MAGI1: variants seen among roughly 807,000 people sequenced by gnomAD.
MAGI1 encodes the protein membrane-associated guanylate kinase, WW and PDZ domain-containing protein 1.
A neutral mutation model predicts 139.9 loss-of-function variants in MAGI1; 58 were observed. That is an observed-to-expected ratio of 0.41 (90% CI 0.34 to 0.52). The LOEUF (loss-of-function observed/expected upper bound fraction) is 0.52, where lower values mean the gene tolerates loss of function less well. Among genes scored for constraint, MAGI1 ranks in the 20% least tolerant of loss-of-function variants. MAGI1 has a pLI of 0.12. For synonymous variants in MAGI1, 812 were observed against 737.9 expected (o/e 1.10, Z -1.63); for missense variants, 1,874 against 1,901.6 (o/e 0.99, Z 0.27).
At chr3:65,592,946 G>T (rs537427965) in intron 2 of MAGI1, among the ~76,000 whole-genome samples, 1 of 152,106 alleles carries the variant, frequency 6.6e-6, no homozygotes, top group Non-Finnish European at 1.5e-5. Context: ...GAGGGCAGGG[G>T]GTTTTTATAT....
chr3:65,444,297 C>T (rs1377770110), intron 7 of MAGI1, among the ~76,000 whole-genome samples: 1 of 152,040 alleles, frequency 6.6e-6, no homozygotes, highest in African/African-American at 2.4e-5. Context: ...CTAGGAAATG[C>T]TTTCCCCTTA....
intron 2 of MAGI1, among the ~76,000 whole-genome samples, chr3:65,553,287 C>T (rs2079934981): frequency 1.3e-5 from 2 of 151,962 alleles, no homozygotes; most frequent in Admixed American, 1.3e-4. Context: ...CTCACTTGGC[C>T]ACCCAGAACT....
At chr3:65,446,522 C>A (rs1464846591) in intron 7 of MAGI1, among the ~76,000 whole-genome samples, 1 of 152,122 alleles carries the variant, frequency 6.6e-6, no homozygotes, top group Non-Finnish European at 1.5e-5. Flanking sequence ...ATTCAAATTT[C>A]CAGAGAAGCA....
chr3:65,753,581 C>T lies in MAGI1; in HGVS notation c.314-131493G>A, dbSNP rs561522733. Among the ~76,000 whole-genome samples the T allele has an allele frequency of 2.9e-4, 44 of 151,498 alleles. No homozygotes were observed. In the South Asian group the frequency reaches 8.8e-3, roughly 30 times the overall value. ...TACTAAAAATACAAAATCAGCCAGT[C>T]GTGGTGGCACATGCCTGTAATCCCA... On this transcript the variant is annotated intron_variant, in intron 1 of 22. Transcript: ENST00000402939.
At chr3:65,770,171 C>T (rs577852072) in intron 1 of MAGI1, among the ~76,000 whole-genome samples, 30 of 152,264 alleles carry the variant, frequency 2.0e-4, no homozygotes, top group Non-Finnish European at 3.1e-4. Flanking sequence ...CTCCTGCCTG[C>T]GGAAATACAA....
chr3:65,542,388 T>A (rs998496688), intron 2 of MAGI1, among the ~76,000 whole-genome samples: 4 of 152,162 alleles, frequency 2.6e-5, no homozygotes, highest in African/African-American at 4.8e-5. Flanking sequence ...CAAGCTACCA[T>A]TGACTTTCTT....
chr3:65,544,074 A>G (rs2079386778), intron 2 of MAGI1, among the ~76,000 whole-genome samples: 2 of 152,202 alleles, frequency 1.3e-5, no homozygotes, highest in African/African-American at 2.4e-5. Flanking sequence ...AAGCAGATAT[A>G]TAAAGTAGAT....
Position 65,401,431 on chromosome 3 carries a change from G to C in MAGI1, c.2199+8C>G, listed in dbSNP as rs748985054. 2.9e-6 allele frequency: 4 copies of C among 1,357,568 alleles called. No homozygotes were observed. The South Asian group carries it at 4.6e-5, about 16-fold the overall frequency. The allele number at this position is 1,357,568 out of a possible 1,614,324, so 84.1% of individuals were successfully genotyped here. A position where few individuals can be genotyped will look rare whatever the true frequency, so the allele number is the denominator to read the frequency against. On this transcript the variant is annotated splice_region_variant and intron_variant, in intron 13 of 22. Transcript: ENST00000402939. Reference sequence around the variant, plus strand: ...CCAACAAGCACCAAGTAACTGACAAGTCCTTACCGACTTTGGGCTCTTCTT... The same window carrying C: ...CCAACAAGCACCAAGTAACTGACAACTCCTTACCGACTTTGGGCTCTTCTT...
intron 1 of MAGI1, among the ~76,000 whole-genome samples, chr3:66,027,265 C>CAAGA (rs2068327232): frequency 1.4e-5 from 1 of 69,830 alleles, no homozygotes; most frequent in Non-Finnish European, 3.0e-5. Flanking sequence ...GACTCCGTCT[C>CAAGA]AAATAAATAA....
intron 1 of MAGI1, among the ~76,000 whole-genome samples, chr3:65,914,850 C>T (rs1358688321): frequency 6.6e-6 from 1 of 152,142 alleles, no homozygotes; most frequent in Non-Finnish European, 1.5e-5. Flanking sequence ...GCTGCATGAC[C>T]TCGGGTAAGA....
intron 1 of MAGI1, chr3:65,687,688 A>C (rs2088180237): frequency 7.8e-6 from 4 of 513,048 alleles, no homozygotes; most frequent in Admixed American, 6.0e-5. Context: ...GATTCTGCCA[A>C]GGCTGGAAGC....
chr3:65,722,169 A>T (rs954239420), intron 1 of MAGI1, among the ~76,000 whole-genome samples: 4 of 152,150 alleles, frequency 2.6e-5, no homozygotes, highest in Non-Finnish European at 4.4e-5. Flanking sequence ...GGTAGGTGGA[A>T]TATTTCTACT....
chr3:65,949,036 CA>C (rs2063671880), intron 1 of MAGI1, among the ~76,000 whole-genome samples: 1 of 152,204 alleles, frequency 6.6e-6, no homozygotes, highest in Non-Finnish European at 1.5e-5. Flanking sequence ...GTCATTTCTT[CA>C]CATTGTGCTG....
intron 1 of MAGI1, among the ~76,000 whole-genome samples, chr3:65,799,070 G>A (rs2040343184): frequency 6.6e-6 from 1 of 152,150 alleles, no homozygotes; most frequent in Non-Finnish European, 1.5e-5. Flanking sequence ...AAGCTGTAAT[G>A]TGCTTCTGTT....
chr3:65,662,270 A>G (rs2086242140), intron 1 of MAGI1, among the ~76,000 whole-genome samples: 1 of 152,262 alleles, frequency 6.6e-6, no homozygotes, highest in Non-Finnish European at 1.5e-5. Context: ...TTGTTTACAT[A>G]TGACATTCAA....
rs1362536698 is a variant in MAGI1 at position 65,548,891 on chromosome 3, T to C, written c.431-55260A>G. Among the ~76,000 whole-genome samples the C allele has an allele frequency of 2.0e-5, 3 of 152,122 alleles. No homozygotes were observed. The East Asian group carries it at 5.8e-4, about 30-fold the overall frequency. On this transcript the variant is annotated intron_variant, in intron 2 of 22. Coordinates refer to ENST00000402939, the MANE Select transcript of MAGI1 (RefSeq NM_001033057.2). Reference sequence around the variant, plus strand: ...TGGGGTGAGCCAACAGTTCATTAAGTGGCAGCAGGCCAGGGAAGCGGGGTC... The same window carrying C: ...TGGGGTGAGCCAACAGTTCATTAAGCGGCAGCAGGCCAGGGAAGCGGGGTC...
chr3:65,896,474 A>G (rs764541081), intron 1 of MAGI1, among the ~76,000 whole-genome samples: 1 of 152,208 alleles, frequency 6.6e-6, no homozygotes, highest in African/African-American at 2.4e-5. Context: ...TCATGTGGAC[A>G]AAGATTTAGC....
At chr3:65,658,432 T>G (rs918276553) in intron 1 of MAGI1, among the ~76,000 whole-genome samples, 1 of 152,232 alleles carries the variant, frequency 6.6e-6, no homozygotes. Flanking sequence ...AGTTGCTCTG[T>G]TCTCCAACAC....
At chr3:65,477,456 G>T (rs947787964) in intron 4 of MAGI1, among the ~76,000 whole-genome samples, 1 of 152,130 alleles carries the variant, frequency 6.6e-6, no homozygotes, top group African/African-American at 2.4e-5. Context: ...AATCTCATAT[G>T]TTGAAAACGG....
Sources: allele counts gnomAD v4.1 joint callset (sites outside exome capture counted in the v4.1 genomes callset), GRCh38; gene constraint gnomAD v4.1.1; transcripts MANE v1.5; gene names NCBI Gene and HGNC (gene_info 2026-07-23, HGNC 2026-07-21).